The following ADGRV1 variants were observed in gnomAD, a reference collection of about 807,000 sequenced individuals.
ADGRV1 encodes the protein adhesion G protein-coupled receptor V1.
A neutral mutation model predicts 596.2 loss-of-function variants in ADGRV1; 359 were observed. The observed-to-expected ratio is 0.60, with a 90% confidence interval of 0.55 to 0.66. The LOEUF is 0.66. ADGRV1 is among the 30% of genes least tolerant of loss of function. ADGRV1 has a pLI of 0.00. For missense variants in ADGRV1, 7,274 were observed against 7,575.6 expected (o/e 0.96, Z 1.48); for synonymous variants, 2,681 against 2,679.2 (o/e 1.00, Z -0.02).
intron 66 of ADGRV1, among the ~76,000 whole-genome samples, 171 bp from the exon 67 acceptor site, chr5:90,783,667 T>C (rs1442612409): frequency 1.3e-5 from 2 of 152,228 alleles, no homozygotes; most frequent in Non-Finnish European, 2.9e-5. Context: ...GGTCATGTAA[T>C]ATTGATGTTA....
At position 90,823,452 on chromosome 5, in the gene ADGRV1, G is replaced by A. The variant is rs757264548; in HGVS notation, c.16224G>A (p.Trp5408Ter). ...CCTTTGAAGATGTCAAGGTCTTTTG[G>A]CGAGTCACACTTAACAAAACAGTCG... ...NRAFEDVKVF[W>*]RVTLNKTVVV... Residue 5408 changes from tryptophan (W) to a stop codon, truncating the protein, a stop_gained, in exon 76 of 90, where the codon TGG becomes TGA. Transcript: ENST00000405460. LOFTEE classifies it high-confidence loss of function. 1 of 1,613,746 alleles carries A rather than the reference G, an allele frequency of 6.2e-7. No homozygotes were observed. Among genetic ancestry groups the A allele is most frequent in the South Asian group, 1.1e-5 (1 of 90,978 alleles).
intron 1 of ADGRV1, among the ~76,000 whole-genome samples, chr5:90,572,688 C>G (rs1756694891): frequency 6.6e-6 from 1 of 152,032 alleles, no homozygotes; most frequent in Non-Finnish European, 1.5e-5. Context: ...ACAAATTATG[C>G]TTTGATGGAT....
intron 59 of ADGRV1, among the ~76,000 whole-genome samples, chr5:90,773,406 A>G (rs1757899476): frequency 6.6e-6 from 1 of 152,144 alleles, no homozygotes; most frequent in East Asian, 1.9e-4. Flanking sequence ...GGACCAATTC[A>G]AACTATGCAC....
intron 87 of ADGRV1, among the ~76,000 whole-genome samples, chr5:91,137,365 G>A (rs1297510643): frequency 4.6e-5 from 7 of 152,068 alleles, no homozygotes; most frequent in Non-Finnish European, 1.0e-4. Flanking sequence ...TCGGGAGTGT[G>A]GACCCACATC....
intron 83 of ADGRV1, among the ~76,000 whole-genome samples, chr5:90,869,181 GA>G (rs938638940): frequency 6.6e-6 from 1 of 152,138 alleles, no homozygotes; most frequent in African/African-American, 2.4e-5. Flanking sequence ...CTCTGTGGAG[GA>G]AATGGAATCT....
intron 50 of ADGRV1, among the ~76,000 whole-genome samples, chr5:90,739,561 G>T (rs112944202): frequency 1.3e-5 from 2 of 152,166 alleles, no homozygotes; most frequent in African/African-American, 4.8e-5. Context: ...TGTGACCTGG[G>T]ATCAAATGGA....
intron 11 of ADGRV1, among the ~76,000 whole-genome samples, chr5:90,638,264 G>A (rs963105419): frequency 1.3e-5 from 2 of 151,806 alleles, no homozygotes; most frequent in African/African-American, 4.8e-5. Context: ...ATAGGCACCA[G>A]CAAATCTAAA....
chr5:91,049,717 T>G (rs1389320352), intron 85 of ADGRV1, among the ~76,000 whole-genome samples: 1 of 152,178 alleles, frequency 6.6e-6, no homozygotes, highest in Non-Finnish European at 1.5e-5. Flanking sequence ...CAGACAAATA[T>G]AAAGCTCACA....
intron 52 of ADGRV1, 98 bp downstream of exon 52, chr5:90,745,893 G>C: frequency 1.4e-6 from 1 of 704,938 alleles, no homozygotes; most frequent in South Asian, 1.9e-5. Flanking sequence ...CATAGTTTGA[G>C]TGTCATCAGC....
chr5:90,578,564 TA>T (rs1757544279), intron 1 of ADGRV1, among the ~76,000 whole-genome samples: 1 of 152,226 alleles, frequency 6.6e-6, no homozygotes, highest in African/African-American at 2.4e-5. Context: ...GATATTGGTC[TA>T]AAATTCTCTT....
Position 90,854,181 on chromosome 5 carries a change from T to C in ADGRV1, c.17574T>C (p.Leu5858=). ...TTCCTCAGACATCTCTGTGTCTCCT[T>C]TGGAATCAGGCTGCTGCAAGGTACT... ...RIIPQTSLCL[L]WNQAAASWLS... The change falls in exon 81 of 90, where the codon CTT becomes CTC. Residue 5858 remains leucine, a synonymous_variant. Transcript: ENST00000405460. 2 of 1,550,286 alleles carry C rather than the reference T, an allele frequency of 1.3e-6. No homozygotes were observed. The highest frequency in any genetic ancestry group is 1.7e-6 in the Non-Finnish European group (2 of 1,146,686).
At chr5:90,571,393 G>A (rs1376627409) in intron 1 of ADGRV1, among the ~76,000 whole-genome samples, 1 of 152,028 alleles carries the variant, frequency 6.6e-6, no homozygotes, top group Non-Finnish European at 1.5e-5. Context: ...ATGAACATGT[G>A]CACAGCCTTA....
At chr5:91,054,092 T>TGAGA (rs1329568106) in intron 85 of ADGRV1, among the ~76,000 whole-genome samples, 13 of 130,368 alleles carry the variant, frequency 1.0e-4, no homozygotes, top group African/African-American at 3.7e-4. Context: ...TGTGTGTGTG[T>TGAGA]GTGTGTGTGT....
At chr5:90,757,573 C>A (rs1054155683) in intron 57 of ADGRV1, among the ~76,000 whole-genome samples, 2 of 151,964 alleles carry the variant, frequency 1.3e-5, no homozygotes, top group Non-Finnish European at 1.5e-5. Flanking sequence ...AAAGTGTGGA[C>A]AGTTTTTACT....
chr5:90,868,330 C>T (rs1001940624), intron 83 of ADGRV1, among the ~76,000 whole-genome samples: 7 of 152,018 alleles, frequency 4.6e-5, no homozygotes, highest in Non-Finnish European at 7.4e-5. Flanking sequence ...GCCTTTAAAA[C>T]GACTGCACAC....
In ADGRV1 at chr5:90,754,968, A is replaced by G. The variant is rs1386222914; in HGVS notation, c.11378-15A>G. ...ATAGAAAAGACTATTTACTCGTGGC[A>G]TGTTTCTCTCACAGAAAACACCACC... On this transcript the variant is annotated splice_polypyrimidine_tract_variant and intron_variant, in intron 54 of 89. Coordinates refer to ENST00000405460, the MANE Select transcript of ADGRV1 (RefSeq NM_032119.4). The G allele has an allele frequency of 2.5e-6, 4 of 1,580,952 alleles. No individual in the cohort carries two copies. Among genetic ancestry groups the G allele is most frequent in the Non-Finnish European group, 2.6e-6 (3 of 1,150,254 alleles).
chr5:90,810,211 C>T (rs1386933111), intron 73 of ADGRV1, 22 bp from the exon 74 acceptor site: 1 of 1,509,650 alleles, frequency 6.6e-7, no homozygotes, highest in Non-Finnish European at 8.9e-7. Flanking sequence ...TCAATTTCTT[C>T]ATGATTTAAT....
chr5:90,757,194 A>T (rs1359398519), intron 57 of ADGRV1, 33 bp downstream of exon 57: 1 of 1,591,046 alleles, frequency 6.3e-7, no homozygotes. Flanking sequence ...AGCCTTTTTG[A>T]GTTGTGCTTC....
At chr5:91,097,142 C>T (rs1287560425) in intron 86 of ADGRV1, among the ~76,000 whole-genome samples, 6 of 152,184 alleles carry the variant, frequency 3.9e-5, no homozygotes, top group South Asian at 4.1e-4. Flanking sequence ...TCTTACAGTT[C>T]TGGAGACAGA....
Sources: gnomAD v4.1 joint callset for allele counts (sites outside exome capture counted in the v4.1 genomes callset) on GRCh38, gnomAD v4.1.1 for gene constraint, MANE v1.5 for transcripts, NCBI Gene and HGNC (gene_info 2026-07-23, HGNC 2026-07-21) for gene names.